CCDC57: variants seen among roughly 807,000 people sequenced by gnomAD.
CCDC57 encodes coiled-coil domain-containing protein 57.
Under a neutral mutation model 118.9 loss-of-function variants are expected in CCDC57, and 118 were observed. That is an observed-to-expected ratio of 0.99 (90% CI 0.86 to 1.16). CCDC57 has a LOEUF of 1.16. Among genes scored for constraint, CCDC57 ranks in the 50% most tolerant of loss-of-function variants. The probability of loss-of-function intolerance (pLI) is 0.00; values close to 1 mark genes in which losing one functional copy is unlikely to be tolerated. For missense variants in CCDC57, 1,300 were observed against 1,320.7 expected, an observed-to-expected ratio of 0.98 and a Z score of 0.24; for synonymous variants, 527 against 532.9, an observed-to-expected ratio of 0.99 and a Z score of 0.15.
intron 15 of CCDC57, 104 bp from the exon 15 acceptor site, chr17:82,151,877 G>T: frequency 1.0e-6 from 1 of 954,266 alleles, no homozygotes; most frequent in Middle Eastern, 3.3e-4. Flanking sequence ...TCCAGGGTGG[G>T]CACTGCTGGC....
intron 17 of CCDC57, among the ~76,000 whole-genome samples, chr17:82,129,691 T>C (rs533532791): frequency 6.6e-6 from 1 of 152,326 alleles, no homozygotes; most frequent in African/African-American, 2.4e-5. Context: ...GATTTGTCTT[T>C]TTCTTATTGA....
chr17:82,123,982 CAAAAAAA>C (rs200031813), intron 19 of CCDC57, among the ~76,000 whole-genome samples: 43 of 64,294 alleles, frequency 6.7e-4, no homozygotes, highest in African/African-American at 1.6e-3. Context: ...CATCCAAAAG[CAAAAAAA>C]AAAAAAAAAA....
intron 19 of CCDC57, among the ~76,000 whole-genome samples, chr17:82,115,172 C>T (rs1248880837): frequency 2.6e-5 from 4 of 152,150 alleles, no homozygotes; most frequent in South Asian, 2.1e-4. Context: ...GAGCAAAGAG[C>T]CCCAGCCTGC....
intron 15 of CCDC57, chr17:82,156,996 T>C (rs2042757614): frequency 6.6e-6 from 1 of 150,562 alleles, no homozygotes; most frequent in Non-Finnish European, 1.5e-5. Context: ...TCACTATTGG[T>C]AACTATAGGT....
chr17:82,144,659 G>A (rs1217662483), intron 16 of CCDC57, among the ~76,000 whole-genome samples: 19 of 152,088 alleles, frequency 1.2e-4, no homozygotes, highest in Admixed American at 1.2e-3. Flanking sequence ...GTGAGCAAAA[G>A]TTATTACTTC....
At chr17:82,163,825 T>G (rs1239683921) in intron 13 of CCDC57, among the ~76,000 whole-genome samples, 1 of 152,170 alleles carries the variant, frequency 6.6e-6, no homozygotes, top group African/African-American at 2.4e-5. Flanking sequence ...CAGCTTTAGA[T>G]AAATATTTTA....
At chr17:82,178,696 T>C in intron 10 of CCDC57, 91 bp from the exon 10 acceptor site, 1 of 1,519,664 alleles carries the variant, frequency 6.6e-7, no homozygotes, top group Non-Finnish European at 8.8e-7. Context: ...AGGTGGGAGA[T>C]GCTCAGAGCA....
chr17:82,171,853 T>C, exon 13 of CCDC57: 1 of 1,610,992 alleles, frequency 6.2e-7, no homozygotes, highest in Non-Finnish European at 8.5e-7. Flanking sequence ...CAGAACATAA[T>C]CTGCCAAAAA....
intron 14 of CCDC57, among the ~76,000 whole-genome samples, chr17:82,162,363 G>A (rs151119352): frequency 5.3e-5 from 8 of 152,298 alleles, no homozygotes; most frequent in African/African-American, 1.7e-4. Context: ...CAGTCAAACC[G>A]AGGTAGTGAC....
At chr17:82,103,375 G>A (rs113414375) in intron 19 of CCDC57, among the ~76,000 whole-genome samples, 2 of 152,110 alleles carry the variant, frequency 1.3e-5, no homozygotes, top group Non-Finnish European at 2.9e-5. Flanking sequence ...CCAACCCCCA[G>A]AGGAATTCCT....
At chr17:82,109,197 A>G (rs1261374277) in intron 19 of CCDC57, among the ~76,000 whole-genome samples, 1 of 152,210 alleles carries the variant, frequency 6.6e-6, no homozygotes, top group Non-Finnish European at 1.5e-5. Context: ...AGAGAGCAAG[A>G]CATGGACAGG....
chr17:82,117,746 C>A (rs549408097), intron 19 of CCDC57, among the ~76,000 whole-genome samples: 3 of 151,946 alleles, frequency 2.0e-5, no homozygotes, highest in Admixed American at 2.0e-4. Context: ...GATTGGCCAA[C>A]AAACAAACAA....
At chr17:82,155,701 T>C (rs781559425) in intron 15 of CCDC57, 2 of 152,432 alleles carry the variant, frequency 1.3e-5, no homozygotes, top group Non-Finnish European at 2.9e-5. Flanking sequence ...AGCCCCAACA[T>C]GGCCCCTTCT....
chr17:82,130,349 A>G (rs945313348), intron 17 of CCDC57, among the ~76,000 whole-genome samples: 1 of 151,216 alleles, frequency 6.6e-6, no homozygotes, highest in Admixed American at 6.6e-5. Flanking sequence ...GCCCACCCCC[A>G]TGCCCGACTA....
At chr17:82,185,245 G>T (rs1243289705) in intron 8 of CCDC57, 1 of 152,402 alleles carries the variant, frequency 6.6e-6, no homozygotes, top group African/African-American at 2.4e-5. Flanking sequence ...CCTGAGCCCA[G>T]GAGGTCGAGG....
chr17:82,198,512 G>A, intron 3 of CCDC57, 90 bp from the exon 3 acceptor site: 1 of 901,078 alleles, frequency 1.1e-6, no homozygotes, highest in Non-Finnish European at 1.7e-6. Context: ...TGTGAAAGTT[G>A]GTGCTTTGCT....
At chr17:82,110,687 A>C (rs115811716) in intron 19 of CCDC57, among the ~76,000 whole-genome samples, 1,834 of 152,318 alleles carry the variant, frequency 0.012, 37 homozygotes, top group African/African-American at 0.042. Context: ...CAAAATTGTA[A>C]AACCTACTAC....
chr17:82,159,460 G>A (rs1351004031), intron 14 of CCDC57, among the ~76,000 whole-genome samples: 1 of 152,108 alleles, frequency 6.6e-6, no homozygotes, highest in Admixed American at 6.5e-5. Flanking sequence ...ATCTTCAACT[G>A]CCTCGACAGA....
At chr17:82,163,995 G>A (rs936245545) in intron 13 of CCDC57, among the ~76,000 whole-genome samples, 14 of 152,076 alleles carry the variant, frequency 9.2e-5, no homozygotes, top group African/African-American at 3.4e-4. Flanking sequence ...AGCTATGACT[G>A]AGCCACTGCA....
Sources: allele counts gnomAD v4.1 joint callset (sites outside exome capture counted in the v4.1 genomes callset), GRCh38; gene constraint gnomAD v4.1.1; transcripts MANE v1.5; gene names NCBI Gene and HGNC (gene_info 2026-07-23, HGNC 2026-07-21).